The following KLHL17 variants were observed in gnomAD, a reference collection of about 807,000 sequenced individuals.
The protein encoded by KLHL17 is kelch like family member 17.
In KLHL17, 71 loss-of-function variants were observed where a neutral mutation model predicts 64.6. That is an observed-to-expected ratio of 1.10 (90% CI 0.91 to 1.34). The LOEUF is 1.34. KLHL17 is among the 40% of genes most tolerant of loss of function. The pLI is 0.00. For synonymous variants in KLHL17, 612 were observed against 405.4 expected (o/e 1.51, Z -6.12); for missense variants, 1,140 against 935.0 (o/e 1.22, Z -2.86).
In KLHL17 at chr1:965,107, C is replaced by T; in HGVS notation, c.1845C>T (p.Ser615=). ...VAASCMFTRR[S]SVGVAVLELL... ...CATCCTGCATGTTCACCCGGCGCAG[C>T]AGTGTGGGTGTGGCGGTGCTGGAGC... Residue 615 remains serine (S), a synonymous_variant, in exon 12 of 12, where the codon AGC becomes AGT. Transcript: ENST00000338591. 6.2e-7 allele frequency: 1 copy of T among 1,612,754 alleles called. No homozygotes were observed. Among genetic ancestry groups the T allele is most frequent in the East Asian group, 2.2e-5 (1 of 44,868 alleles).
Position 963,929 on chromosome 1 carries a change from C to G in KLHL17, c.1365C>G (p.Arg455=). ...GTCCTGGTGCCCACAGTGCTGAACG[C>G]TACGACCCCCTGACCGGAACGTGGA... ...DGASCLNSAE[R]YDPLTGTWTS... is the part of the protein sequence containing the mutation. The change falls in exon 9 of 12, where the codon CGC becomes CGG. Residue 455 remains arginine (R), a synonymous_variant. Coordinates refer to ENST00000338591, the MANE Select transcript of KLHL17 (RefSeq NM_198317.3). 1.2e-6 allele frequency: 2 copies of G among 1,612,410 alleles called. No homozygotes were observed. The highest frequency in any genetic ancestry group is 1.7e-6 in the Non-Finnish European group (2 of 1,179,900).
In KLHL17 at chr1:962,550, T is replaced by C. The variant is rs528783743; in HGVS notation, c.828+79T>C. On this transcript the variant is annotated intron_variant, in intron 5 of 11. Coordinates refer to ENST00000338591, the MANE Select transcript of KLHL17 (RefSeq NM_198317.3). ...CTGAGGGCCTGGTGCACCCTGACCT[T>C]CCCCGAGTTCAGGGACTCCGTGGGG... The C allele has an allele frequency of 1.6e-5, 25 of 1,566,398 alleles. No individual in the cohort carries two copies. The Admixed American group carries it at 3.5e-4, about 22-fold the overall frequency.
At position 962,564 on chromosome 1, in the gene KLHL17, G is replaced by A. The variant is rs879171231; in HGVS notation, c.828+93G>A. On this transcript the variant is annotated intron_variant, in intron 5 of 11. Coordinates refer to ENST00000338591, the MANE Select transcript of KLHL17 (RefSeq NM_198317.3). ...CACCCTGACCTTCCCCGAGTTCAGG[G>A]ACTCCGTGGGGGTGGTGCCCCCACC... 3.9e-6 allele frequency: 6 copies of A among 1,548,590 alleles called. No individual in the cohort carries two copies. The South Asian group carries it at 6.0e-5, about 15-fold the overall frequency.
At position 964,391 on chromosome 1, in the gene KLHL17, AG is replaced by A; in HGVS notation, c.1562del (p.Ser521ThrfsTer27). ...CGTGGCGTCCATGCTGAGCCGACGC[AG>A]CTCAGCGGGCGTGGCCGTGCTGGAG... ...SPVASMLSRRSSAGVAVLEGA... is the reference protein window; with the variant it reads ...SPVASMLSRRXSAGVAVLEGA... On this transcript the variant is annotated frameshift_variant, in exon 11 of 12. Coordinates refer to ENST00000338591, the MANE Select transcript of KLHL17 (RefSeq NM_198317.3). LOFTEE classifies it high-confidence loss of function. 6.4e-7 allele frequency: 1 copy of A among 1,557,890 alleles called. No homozygotes were observed. Among genetic ancestry groups the A allele is most frequent in the East Asian group, 2.4e-5 (1 of 41,190 alleles).
At chr1:961,226 C>T (rs1642628833) in intron 1 of KLHL17, 67 bp from the exon 2 acceptor site, 4 of 1,186,432 alleles carry the variant, frequency 3.4e-6, no homozygotes, top group Non-Finnish European at 4.2e-6. Context: ...TGCCCGGGCC[C>T]CCCAGCGGCT....
rs996275382 is a variant in KLHL17, at chr1:962,438, C to T, written c.795C>T (p.His265=). The T allele has an allele frequency of 5.6e-6, 9 of 1,612,726 alleles. No homozygotes were observed. The highest frequency in any genetic ancestry group is 1.3e-5 in the African/African-American group (1 of 75,064). ...VYRAVLSWVK[H]DVDARRQHVP... The stretch of plus-strand genomic sequence containing the variant: ...GAGCCGTCCTGAGCTGGGTGAAACA[C>T]GACGTGGACGCCCGCAGGCAGCATG... Residue 265 remains histidine (H), a synonymous_variant, in exon 5 of 12, where the codon CAC becomes CAT. Transcript: ENST00000338591.
Position 960,614 on chromosome 1 carries a change from C to T in KLHL17, c.-80C>T. 1.3e-5 allele frequency: 15 copies of T among 1,190,926 alleles called. No homozygotes were observed. Among genetic ancestry groups the T allele is most frequent in the South Asian group, 4.1e-5 (2 of 49,024 alleles). The allele number at this position is 1,190,926 out of a possible 1,614,324, so 73.8% of individuals were successfully genotyped here. On this transcript the variant is annotated 5_prime_UTR_variant, in exon 1 of 12. Coordinates refer to ENST00000338591, the MANE Select transcript of KLHL17 (RefSeq NM_198317.3). ...TGAGCGACACAGAGCGGGCCGCCAC[C>T]GCCGAGCAGCCCTCCGGCAGTCTCC...
rs1642591952 is a variant in KLHL17 at position 960,594 on chromosome 1, G to A, written c.-100G>A. ...GCGGGCGGGAGCGGCGGGAGTGAGCGACACAGAGCGGGCCGCCACCGCCGA... is the reference window on the plus strand; with the variant it reads ...GCGGGCGGGAGCGGCGGGAGTGAGCAACACAGAGCGGGCCGCCACCGCCGA... On this transcript the variant is annotated 5_prime_UTR_variant, in exon 1 of 12. Coordinates refer to ENST00000338591, the MANE Select transcript of KLHL17 (RefSeq NM_198317.3). The A allele has an allele frequency of 2.8e-6, 3 of 1,063,068 alleles. No homozygotes were observed. The highest frequency in any genetic ancestry group is 2.3e-6 in the Non-Finnish European group (2 of 853,560). The allele number at this position is 1,063,068 out of a possible 1,614,324, so 65.9% of individuals were successfully genotyped here. A position where few individuals can be genotyped will look rare whatever the true frequency, so the allele number is the denominator to read the frequency against.
At position 963,393 on chromosome 1, in the gene KLHL17, C is replaced by A; in HGVS notation, c.1244C>A (p.Thr415Lys). 2 of 1,612,662 alleles carry A rather than the reference C, an allele frequency of 1.2e-6. No homozygotes were observed. Among genetic ancestry groups the A allele is most frequent in the South Asian group, 2.2e-5 (2 of 91,080 alleles). ...TVESYDPVTN[T>K]WQPEVSMGTR... ...GAGTCCTACGACCCCGTGACTAACA[C>A]GTGGCAGCCGGAGGTGTCCATGGGC... The change falls in exon 8 of 12, where the codon ACG (threonine) becomes AAG (lysine). Residue 415 changes from threonine (T) to lysine (K), a missense_variant. By Grantham distance (78) the Thr-to-Lys change is moderately conservative (BLOSUM62 -1). Coordinates refer to ENST00000338591, the MANE Select transcript of KLHL17 (RefSeq NM_198317.3).
At chr1:962,558 T>C in intron 5 of KLHL17, 87 bp downstream of exon 5, 1 of 1,556,820 alleles carries the variant, frequency 6.4e-7, no homozygotes, top group Non-Finnish European at 8.7e-7. Context: ...CTTCCCCGAG[T>C]TCAGGGACTC....
At position 963,162 on chromosome 1, in the gene KLHL17, A is replaced by G. The variant is rs186429850; in HGVS notation, c.1096A>G (p.Thr366Ala). 854 of 1,611,028 alleles carry G rather than the reference A, an allele frequency of 5.3e-4. 5 individuals carry two copies. The East Asian group carries it at 9.6e-3, about 18-fold the overall frequency. The change falls in exon 7 of 12, where the codon ACC becomes GCC. Residue 366 changes from threonine to alanine, a missense_variant. Thr to Ala is a moderately conservative substitution (Grantham distance 58). Transcript: ENST00000338591. Reference sequence around the variant, plus strand: ...AGACTGTGAGGCCTACGACACGCGCACCGACCGCTGGCACGTGGTGGCCTC... The same window carrying G: ...AGACTGTGAGGCCTACGACACGCGCGCCGACCGCTGGCACGTGGTGGCCTC... ...HGDCEAYDTR[T>A]DRWHVVASMS...
At position 960,699 on chromosome 1, in the gene KLHL17, GC is replaced by G; in HGVS notation, c.10del (p.Arg4AlafsTer57). 7.3e-7 allele frequency: 1 copy of G among 1,360,814 alleles called. No individual in the cohort carries two copies. Among genetic ancestry groups the G allele is most frequent in the Non-Finnish European group, 9.5e-7 (1 of 1,049,176 alleles). 84.3% of individuals were successfully genotyped at this position (1,360,814 alleles called of 1,614,324 possible). MQ[P>X]RSERPAGRTQ... Reference sequence around the variant, plus strand: ...GCGGTGGGTCCGGCAGCCGAATGCAGCCCCGCAGCGAGCGCCCGGCCGGCAG... The same window carrying G: ...GCGGTGGGTCCGGCAGCCGAATGCAGCCCGCAGCGAGCGCCCGGCCGGCAG... On this transcript the variant is annotated frameshift_variant, in exon 1 of 12. Transcript: ENST00000338591. LOFTEE classifies it high-confidence loss of function.
In KLHL17 at chr1:965,303, CTTTATTTAGTTGTTTA is replaced by C. The variant is rs2100433042; in HGVS notation, c.*124_*139del. 4 of 812,796 alleles carry C rather than the reference CTTTATTTAGTTGTTTA, an allele frequency of 4.9e-6. No individual in the cohort carries two copies. The East Asian group carries it at 1.1e-4, about 22-fold the overall frequency. 50.3% of individuals were successfully genotyped at this position (812,796 alleles called of 1,614,324 possible). A position where few individuals can be genotyped will look rare whatever the true frequency, so the allele number is the denominator to read the frequency against. On this transcript the variant is annotated 3_prime_UTR_variant, in exon 12 of 12. Transcript: ENST00000338591. Reference sequence around the variant, plus strand: ...CGTCTCTGCATCCATTCCTTCATGTCTTTATTTAGTTGTTTATTTATTTAGTTATTTATCTTATTTA... The same window carrying C: ...CGTCTCTGCATCCATTCCTTCATGTCTTTATTTAGTTATTTATCTTATTTA...
At position 964,150 on chromosome 1, in the gene KLHL17, C is replaced by G; in HGVS notation, c.1488C>G (p.His496Gln). The G allele has an allele frequency of 6.2e-7, 1 of 1,612,736 alleles. No individual in the cohort carries two copies. Among genetic ancestry groups the G allele is most frequent in the Non-Finnish European group, 8.5e-7 (1 of 1,179,924 alleles). Residue 496 changes from histidine to glutamine, a missense_variant, in exon 10 of 12, where the codon CAC becomes CAG. Transcript: ENST00000338591. ...TGGGCGGCTACGACAGCTCCTCACA[C>G]CTGGCCACTGTGGAGAAGTATGAGC... Reference protein sequence around the residue: ...YAVGGYDSSSHLATVEKYEPQ... With the variant: ...YAVGGYDSSSQLATVEKYEPQ...
At position 961,973 on chromosome 1, in the gene KLHL17, G is replaced by C; in HGVS notation, c.637G>C (p.Ala213Pro). 6.2e-7 allele frequency: 1 copy of C among 1,612,912 alleles called. No homozygotes were observed. Among genetic ancestry groups the C allele is most frequent in the Non-Finnish European group, 8.5e-7 (1 of 1,180,000 alleles). The part of the protein sequence containing the change: ...AHSCSDLLKA[A>P]HRYVLQHFVD... ...CTCCTGCAGCGACCTGCTCAAGGCC[G>C]CCCACAGGTACGTGCTGCAGCACTT... Residue 213 changes from alanine (A) to proline (P), a missense_variant, in exon 4 of 12, where the codon GCC (alanine) becomes CCC (proline). Transcript: ENST00000338591.
chr1:964,594 G>A lies in KLHL17; in HGVS notation c.1700+64G>A, dbSNP rs7414551. 30 of 1,327,992 alleles carry A rather than the reference G, an allele frequency of 2.3e-5. 3 individuals are homozygous for A. Among genetic ancestry groups the A allele is most frequent in the African/African-American group, 2.8e-5 (1 of 35,102 alleles). The allele number at this position is 1,327,992 out of a possible 1,614,324, so 82.3% of individuals were successfully genotyped here. On this transcript the variant is annotated intron_variant, in intron 11 of 11. Coordinates refer to ENST00000338591, the MANE Select transcript of KLHL17 (RefSeq NM_198317.3). ...CAGTGGGGCTGTGGGAGGGGTCCGC[G>A]CGTCCGCAGTGGGGATGTGCTGCGG...
At chr1:961,783 C>T (rs755786552) in intron 3 of KLHL17, 33 bp downstream of exon 3, 12 of 1,611,630 alleles carry the variant, frequency 7.4e-6, no homozygotes, top group Middle Eastern at 3.3e-4. Context: ...CCCGGTGTCC[C>T]CCGACCCTGT....
intron 1 of KLHL17, 102 bp downstream of exon 1, chr1:960,902 C>T (rs1642609131): frequency 4.4e-6 from 3 of 684,604 alleles, no homozygotes; most frequent in Non-Finnish European, 5.4e-6. Flanking sequence ...TTCCGAGGGC[C>T]GGGGGAGGTC....
Position 962,765 on chromosome 1 carries a change from C to T in KLHL17, c.890C>T (p.Ala297Val), listed in dbSNP as rs758191447. The change falls in exon 6 of 12, where the codon GCC becomes GTC. Residue 297 changes from alanine (A) to valine (V), a missense_variant. Transcript: ENST00000338591. ...SRDFLLGHVDAESLVRHHPDC... is the reference protein window; with the variant it reads ...SRDFLLGHVDVESLVRHHPDC... Reference sequence around the variant, plus strand: ...GACTTCCTGCTGGGCCACGTGGATGCCGAGAGCCTGGTGAGGCACCACCCT... The same window carrying T: ...GACTTCCTGCTGGGCCACGTGGATGTCGAGAGCCTGGTGAGGCACCACCCT... 4 of 1,610,964 alleles carry T rather than the reference C, an allele frequency of 2.5e-6. No homozygotes were observed. The highest frequency in any genetic ancestry group is 1.3e-5 in the African/African-American group (1 of 74,906).
Sources: allele counts gnomAD v4.1 joint callset, GRCh38; gene constraint gnomAD v4.1.1; transcripts MANE v1.5; gene names NCBI Gene and HGNC (gene_info 2026-07-23, HGNC 2026-07-21).